MS4A13: variants seen among roughly 807,000 people sequenced by gnomAD.
The protein encoded by MS4A13 is membrane spanning 4-domains A13, also known as membrane-spanning 4-domains subfamily A member 13.
A neutral mutation model predicts 18.4 loss-of-function variants in MS4A13; 21 were observed. The ratio of observed to expected loss-of-function variants is 1.14; its 90% confidence interval spans 0.81 to 1.64. MS4A13 has a LOEUF of 1.64. Among genes scored for constraint, MS4A13 ranks in the 40% most tolerant of loss-of-function variants. The pLI is 0.00. For missense variants in MS4A13, 173 were observed against 176.8 expected, an observed-to-expected ratio of 0.98 and a Z score of 0.12; for synonymous variants, 62 against 57.2, an observed-to-expected ratio of 1.08 and a Z score of -0.38.
intron 6 of MS4A13, among the ~76,000 whole-genome samples, chr11:60,539,896 A>G (rs1455846771): frequency 6.6e-6 from 1 of 152,206 alleles, no homozygotes; most frequent in Non-Finnish European, 1.5e-5. Context: ...ACAGACATAC[A>G]CAGATGAATA....
chr11:60,532,726 G>C (rs1405410868), intron 6 of MS4A13, among the ~76,000 whole-genome samples: 1 of 143,744 alleles, frequency 7.0e-6, no homozygotes, highest in Non-Finnish European at 1.5e-5. Context: ...GCAGGGCACA[G>C]ACAAACAAAA....
chr11:60,532,587 G>C (rs1253373601), intron 6 of MS4A13, among the ~76,000 whole-genome samples: 2 of 152,152 alleles, frequency 1.3e-5, no homozygotes, highest in Non-Finnish European at 2.9e-5. Context: ...TGGCAGCGAG[G>C]TTGGGGGAGG....
At chr11:60,531,752 T>C (rs763472715) in intron 6 of MS4A13, among the ~76,000 whole-genome samples, 3 of 152,230 alleles carry the variant, frequency 2.0e-5, no homozygotes, top group Non-Finnish European at 4.4e-5. Flanking sequence ...CCCTGTGTTT[T>C]CACATGGTCT....
In MS4A13 at chr11:60,518,133, A is replaced by G. The variant is rs755498420; in HGVS notation, c.50A>G (p.Tyr17Cys). ...IFMWYFLLVL[Y>C]MGQIKGAFGT... The stretch of plus-strand genomic sequence containing the variant: ...ATGTGGTACTTTCTATTGGTTTTGT[A>G]TATGGGACAAATTAAAGGAGCCTTT... The change falls in exon 3 of 7, where the codon TAT becomes TGT. Residue 17 changes from tyrosine to cysteine, a missense_variant. By Grantham distance (194) the Tyr-to-Cys change is radical. Coordinates refer to ENST00000378186, the MANE Select transcript of MS4A13 (RefSeq NM_001012417.3). 2 of 1,610,250 alleles carry G rather than the reference A, an allele frequency of 1.2e-6. No homozygotes were observed. The highest frequency in any genetic ancestry group is 1.7e-6 in the Non-Finnish European group (2 of 1,176,946).
At chr11:60,541,702 G>A (rs566281171) in intron 6 of MS4A13, among the ~76,000 whole-genome samples, 1 of 152,132 alleles carries the variant, frequency 6.6e-6, no homozygotes, top group Non-Finnish European at 1.5e-5. Flanking sequence ...AGGCTAGGGT[G>A]CTGGCATCTA....
Position 60,527,556 on chromosome 11 carries a change from C to T in MS4A13, c.307-1809C>T, listed in dbSNP as rs187147396. Among the ~76,000 whole-genome samples the T allele has an allele frequency of 1.5e-3, 235 of 152,082 alleles. 3 individuals carry two copies. The highest frequency in any genetic ancestry group is 5.4e-3 in the African/African-American group (226 of 41,468). ...CTCATATAAATTAAAGAATATGGGGCCAGGCACGGTGGCTCACGCCTGTAA... is the reference window on the plus strand; with the variant it reads ...CTCATATAAATTAAAGAATATGGGGTCAGGCACGGTGGCTCACGCCTGTAA... On this transcript the variant is annotated intron_variant, in intron 5 of 6. Transcript: ENST00000378186.
At chr11:60,535,521 G>C (rs2086801939) in intron 6 of MS4A13, among the ~76,000 whole-genome samples, 1 of 129,888 alleles carries the variant, frequency 7.7e-6, no homozygotes. Context: ...CTGAAATTGT[G>C]GCAATAATCA....
At chr11:60,517,050 G>C (rs1345597559) in intron 2 of MS4A13, among the ~76,000 whole-genome samples, 1 of 151,504 alleles carries the variant, frequency 6.6e-6, no homozygotes, top group Non-Finnish European at 1.5e-5. Context: ...TTGCAGTCTA[G>C]TGGGAGATAT....
chr11:60,522,584 T>C lies in MS4A13; in HGVS notation c.130-1313T>C, dbSNP rs558792963. ...AGCAATTAATCACTAGAAGAAACAA[T>C]GATCTCTAGGAGGTCTCCCACTTTT... is the stretch of plus-strand genomic sequence containing the variant. On this transcript the variant is annotated intron_variant, in intron 3 of 6. Coordinates refer to ENST00000378186, the MANE Select transcript of MS4A13 (RefSeq NM_001012417.3). 2.6e-5 allele frequency among the ~76,000 whole-genome samples: 4 copies of C among 152,224 alleles called. No individual in the cohort carries two copies. The East Asian group carries it at 7.7e-4, about 29-fold the overall frequency.
chr11:60,540,844 C>T (rs2135273915), intron 6 of MS4A13, among the ~76,000 whole-genome samples: 1 of 151,612 alleles, frequency 6.6e-6, no homozygotes, highest in East Asian at 1.9e-4. Flanking sequence ...GTCCCAGCTA[C>T]TTAGGCAGCT....
chr11:60,529,213 G>A lies in MS4A13; in HGVS notation c.307-152G>A, dbSNP rs533918089. ...GGGCAAAGGAGTAGAAATGTCTAAG[G>A]AAATCAAATGGTGAAAGGTTTATCT... On this transcript the variant is annotated intron_variant, in intron 5 of 6. Coordinates refer to ENST00000378186, the MANE Select transcript of MS4A13 (RefSeq NM_001012417.3). The A allele has an allele frequency of 1.9e-5, 9 of 483,030 alleles. No individual in the cohort carries two copies. In the South Asian group the frequency reaches 3.1e-4, roughly 17 times the overall value. The allele number at this position is 483,030 out of a possible 1,614,324, so 29.9% of individuals were successfully genotyped here.
chr11:60,518,387 C>A (rs1385272729), intron 3 of MS4A13, among the ~76,000 whole-genome samples, 175 bp downstream of exon 3: 1 of 152,058 alleles, frequency 6.6e-6, no homozygotes, highest in Admixed American at 6.5e-5. Context: ...ATATTGAGCA[C>A]CTTTAATTTA....
chr11:60,520,996 C>T (rs1264722016), intron 3 of MS4A13, among the ~76,000 whole-genome samples: 1 of 152,252 alleles, frequency 6.6e-6, no homozygotes, highest in African/African-American at 2.4e-5. Flanking sequence ...TGTGTACCCG[C>T]AGGCTCAACA....
intron 6 of MS4A13, among the ~76,000 whole-genome samples, chr11:60,530,965 C>T (rs954493376): frequency 2.6e-5 from 4 of 152,164 alleles, no homozygotes; most frequent in African/African-American, 9.7e-5. Flanking sequence ...TTCCTGAGGT[C>T]TCCCAAGCCA....
intron 6 of MS4A13, among the ~76,000 whole-genome samples, chr11:60,532,354 A>G (rs1054025079): frequency 5.9e-5 from 9 of 152,218 alleles, no homozygotes; most frequent in Non-Finnish European, 1.3e-4. Flanking sequence ...GCATTGCCTC[A>G]CCTGGGAAGC....
At chr11:60,533,374 T>C (rs1238364877) in intron 6 of MS4A13, among the ~76,000 whole-genome samples, 10 of 120,940 alleles carry the variant, frequency 8.3e-5, no homozygotes, top group Non-Finnish European at 1.5e-4. Context: ...ACGTGAAGAA[T>C]GCAGAAGCCT....
chr11:60,530,862 T>A (rs1050869915), intron 6 of MS4A13, among the ~76,000 whole-genome samples: 5 of 152,206 alleles, frequency 3.3e-5, no homozygotes, highest in Admixed American at 2.0e-4. Flanking sequence ...TTATAAGTGT[T>A]TAGCAAGTTC....
chr11:60,542,651 C>A lies in MS4A13; in HGVS notation c.*76C>A. On this transcript the variant is annotated 3_prime_UTR_variant, in exon 7 of 7. Coordinates refer to ENST00000378186, the MANE Select transcript of MS4A13 (RefSeq NM_001012417.3). ...CTAATGATATCTCTGTATAACAAAG[C>A]AGTTACGAAGCCTACAGATTTTGTG... 3.6e-6 allele frequency: 3 copies of A among 844,214 alleles called. No homozygotes were observed. The highest frequency in any genetic ancestry group is 1.7e-5 in the African/African-American group (1 of 58,564). The allele number at this position is 844,214 out of a possible 1,614,324, so 52.3% of individuals were successfully genotyped here. A position where few individuals can be genotyped will look rare whatever the true frequency, so the allele number is the denominator to read the frequency against.
chr11:60,539,138 T>C, intron 6 of MS4A13, among the ~76,000 whole-genome samples: 1 of 138,622 alleles, frequency 7.2e-6, no homozygotes. Flanking sequence ...CAGCTGAGGC[T>C]ACCCAGAATA....
Sources: gnomAD v4.1 joint callset for allele counts (sites outside exome capture counted in the v4.1 genomes callset) on GRCh38, gnomAD v4.1.1 for gene constraint, MANE v1.5 for transcripts, NCBI Gene and HGNC (gene_info 2026-07-23, HGNC 2026-07-21) for gene names.